Variants in THUMPD2 observed in about 807,000 individuals in gnomAD.
THUMPD2 encodes THUMP domain 2 tRNA and snRNA guanosine methyltransferase, also known as U6 snRNA (guanine-N(2))-methyltransferase THUMPD2.
THUMPD2 carries 56 observed loss-of-function variants against 49.4 expected under a neutral mutation model. That is an observed-to-expected ratio of 1.13 (90% CI 0.91 to 1.41). THUMPD2 has a LOEUF of 1.41. THUMPD2 is among the 40% of genes most tolerant of loss of function. The probability of loss-of-function intolerance (pLI) is 0.00; values close to 1 mark genes in which losing one functional copy is unlikely to be tolerated. For missense variants in THUMPD2, 709 were observed against 594.5 expected (o/e 1.19, Z -2.00); for synonymous variants, 237 against 205.2 (o/e 1.15, Z -1.32).
chr2:39,737,597 G>A (rs1166115918), intron 9 of THUMPD2, among the ~76,000 whole-genome samples: 1 of 152,186 alleles, frequency 6.6e-6, no homozygotes, highest in Non-Finnish European at 1.5e-5. Flanking sequence ...AAGTTGCCAA[G>A]AGATCACTGA....
At chr2:39,773,397 T>G (rs1361215727) in intron 1 of THUMPD2, among the ~76,000 whole-genome samples, 5 of 151,860 alleles carry the variant, frequency 3.3e-5, no homozygotes, top group Admixed American at 1.3e-4. Flanking sequence ...GATGCAAACA[T>G]CTAGACCAGT....
rs1448167146 is a variant in THUMPD2, at chr2:39,736,818, G to C, written c.1429C>G (p.Pro477Ala). 1 of 1,614,152 alleles carries C rather than the reference G, an allele frequency of 6.2e-7. No homozygotes were observed. Among genetic ancestry groups the C allele is most frequent in the Admixed American group, 1.7e-5 (1 of 60,018 alleles). Residue 477 changes from proline to alanine, a missense_variant, in exon 10 of 10, where the codon CCA (proline) becomes GCA (alanine). Transcript: ENST00000505747. The stretch of plus-strand genomic sequence containing the variant: ...AGGCTAACTTTGTAGCATTCCACTG[G>C]TACCAAGGAGCCAAATGGTGACATT... ...DRMSPFGSLV[P>A]VECYKVSLGK...
intron 8 of THUMPD2, 154 bp from the exon 9 acceptor site, chr2:39,744,632 A>C: frequency 2.1e-6 from 1 of 479,644 alleles, no homozygotes; most frequent in East Asian, 3.8e-5. Flanking sequence ...AGATCCCAAA[A>C]TGCTTTCACA....
At position 39,771,591 on chromosome 2, in the gene THUMPD2, T is replaced by C. The variant is rs376370671; in HGVS notation, c.176A>G (p.Asn59Ser). ...KVFFTTCSDL[N>S]MLKKLKSAER... ...TGCAGATTTTAATTTCTTCAACATA[T>C]TCAAATCAGAACAGGTGGTGAAAAA... Residue 59 changes from asparagine to serine, a missense_variant, in exon 2 of 10, where the codon AAT becomes AGT. Asn to Ser is a conservative substitution (Grantham distance 46). Transcript: ENST00000505747. 1.5e-5 allele frequency: 24 copies of C among 1,605,832 alleles called. No individual in the cohort carries two copies. Among genetic ancestry groups the C allele is most frequent in the Admixed American group, 5.2e-5 (3 of 58,006 alleles).
At chr2:39,760,430 C>G (rs886523745) in intron 6 of THUMPD2, among the ~76,000 whole-genome samples, 1 of 151,910 alleles carries the variant, frequency 6.6e-6, no homozygotes, top group Non-Finnish European at 1.5e-5. Context: ...AAATCTCTAA[C>G]CACAAAGAGA....
Position 39,747,110 on chromosome 2 carries a change from C to G in THUMPD2, c.1079-2632G>C, listed in dbSNP as rs190266100. On this transcript the variant is annotated intron_variant, in intron 8 of 9. Transcript: ENST00000505747. ...ATGTTGTCGGAACTTTTTCATATTTCAAAATGTTTGTCCTTAAGATGATGT... is the reference window on the plus strand; with the variant it reads ...ATGTTGTCGGAACTTTTTCATATTTGAAAATGTTTGTCCTTAAGATGATGT... Among the ~76,000 whole-genome samples the G allele has an allele frequency of 3.9e-5, 6 of 152,252 alleles. No individual in the cohort carries two copies. The East Asian group carries it at 7.7e-4, about 20-fold the overall frequency.
At position 39,771,641 on chromosome 2, in the gene THUMPD2, C is replaced by A; in HGVS notation, c.127-1G>T. 6.3e-7 allele frequency: 1 copy of A among 1,598,862 alleles called. No individual in the cohort carries two copies. Among genetic ancestry groups the A allele is most frequent in the South Asian group, 1.1e-5 (1 of 87,062 alleles). ...AAACCTTTCCTGAAATATATTCAACCTAGAAATAGAAAAACAGCTTTTAAT... is the reference window on the plus strand; with the variant it reads ...AAACCTTTCCTGAAATATATTCAACATAGAAATAGAAAAACAGCTTTTAAT... On this transcript the variant is annotated splice_acceptor_variant, in intron 1 of 9. Transcript: ENST00000505747. LOFTEE classifies it high-confidence loss of function.
intron 5 of THUMPD2, among the ~76,000 whole-genome samples, chr2:39,762,161 T>G (rs1321420613): frequency 6.6e-6 from 1 of 152,158 alleles, no homozygotes; most frequent in Non-Finnish European, 1.5e-5. Context: ...GCTTTTCTAG[T>G]TCACTTCTAC....
At chr2:39,770,954 C>T (rs1476529567) in intron 2 of THUMPD2, among the ~76,000 whole-genome samples, 1 of 152,010 alleles carries the variant, frequency 6.6e-6, no homozygotes, top group Non-Finnish European at 1.5e-5. Context: ...TATCAAGATC[C>T]ATATGTTGTT....
chr2:39,756,752 A>G (rs1676184940), intron 6 of THUMPD2, among the ~76,000 whole-genome samples: 1 of 152,156 alleles, frequency 6.6e-6, no homozygotes, highest in South Asian at 2.1e-4. Flanking sequence ...AACAATCACA[A>G]GAAGACAAGC....
chr2:39,762,586 T>C (rs1676958280), intron 5 of THUMPD2, among the ~76,000 whole-genome samples: 1 of 152,022 alleles, frequency 6.6e-6, no homozygotes, highest in South Asian at 2.1e-4. Flanking sequence ...AACAGTACTG[T>C]ATATATACAT....
At chr2:39,769,195 T>A (rs538801252) in intron 3 of THUMPD2, 4 of 858,358 alleles carry the variant, frequency 4.7e-6, no homozygotes, top group Non-Finnish European at 6.3e-6. Flanking sequence ...AGGACATCTG[T>A]AGATTTAAGG....
At chr2:39,776,216 T>G (rs573583287) in intron 1 of THUMPD2, among the ~76,000 whole-genome samples, 1 of 152,148 alleles carries the variant, frequency 6.6e-6, no homozygotes. Context: ...GATATGTAAA[T>G]TAAATATTTA....
intron 8 of THUMPD2, among the ~76,000 whole-genome samples, chr2:39,752,125 T>G (rs1329185336): frequency 6.6e-6 from 1 of 152,368 alleles, no homozygotes; most frequent in African/African-American, 2.4e-5. Flanking sequence ...ATAATAGGAA[T>G]GATTATTACT....
intron 4 of THUMPD2, 62 bp from the exon 5 acceptor site, chr2:39,766,171 A>G: frequency 8.0e-7 from 1 of 1,245,520 alleles, no homozygotes; most frequent in Non-Finnish European, 1.1e-6. Context: ...ATTACTGACA[A>G]TTTGAAATTT....
At chr2:39,764,824 G>A (rs1021753553) in intron 5 of THUMPD2, among the ~76,000 whole-genome samples, 2 of 152,098 alleles carry the variant, frequency 1.3e-5, no homozygotes, top group African/African-American at 4.8e-5. Context: ...TAAACACAGA[G>A]CATCTGTTGT....
intron 6 of THUMPD2, among the ~76,000 whole-genome samples, chr2:39,758,109 A>G (rs927317702): frequency 4.6e-5 from 7 of 152,188 alleles, no homozygotes; most frequent in Admixed American, 2.0e-4. Context: ...TTGATCATTT[A>G]CTTTTGACTT....
chr2:39,739,395 G>A (rs1397045724), intron 9 of THUMPD2, among the ~76,000 whole-genome samples: 5 of 152,066 alleles, frequency 3.3e-5, no homozygotes, highest in African/African-American at 7.2e-5. Context: ...TATCACTCAC[G>A]CCCCACAGTC....
intron 6 of THUMPD2, among the ~76,000 whole-genome samples, chr2:39,757,963 C>A (rs554755665): frequency 6.6e-6 from 1 of 152,292 alleles, no homozygotes; most frequent in African/African-American, 2.4e-5. Context: ...AAGAACTCTA[C>A]TATGCCATTT....
Sources: gnomAD v4.1 joint callset for allele counts (sites outside exome capture counted in the v4.1 genomes callset) on GRCh38, gnomAD v4.1.1 for gene constraint, MANE v1.5 for transcripts, NCBI Gene and HGNC (gene_info 2026-07-23, HGNC 2026-07-21) for gene names.